Variants in RALGAPB observed in about 807,000 individuals in gnomAD.
RALGAPB encodes the protein Ral GTPase activating protein non-catalytic subunit beta.
A neutral mutation model predicts 161.1 loss-of-function variants in RALGAPB; 25 were observed. The observed-to-expected ratio is 0.16, with a 90% confidence interval of 0.11 to 0.22. The LOEUF is 0.22. RALGAPB is among the 10% of genes least tolerant of loss of function. RALGAPB has a pLI of 1.00. For synonymous variants in RALGAPB, 629 were observed against 626.1 expected (o/e 1.00, Z -0.07); for missense variants, 1,391 against 1,815.2 (o/e 0.77, Z 4.25).
chr20:38,572,308 T>C (rs140592786), intron 28 of RALGAPB, among the ~76,000 whole-genome samples: 1,996 of 152,352 alleles, frequency 0.013, 24 homozygotes, highest in South Asian at 0.024. Flanking sequence ...TTGTATAGGC[T>C]TTGTAGTTTT....
chr20:38,573,395 A>G lies in RALGAPB; in HGVS notation c.4143-755A>G, dbSNP rs575066817. Among the ~76,000 whole-genome samples the G allele has an allele frequency of 3.6e-4, 54 of 152,086 alleles. 1 individual carries two copies. Among genetic ancestry groups the G allele is most frequent in the African/African-American group, 9.9e-4 (41 of 41,498 alleles). On this transcript the variant is annotated intron_variant, in intron 28 of 29. Transcript: ENST00000262879. ...CCTTACCTATATAGAAAGAAAATTC[A>G]TTGGGTTGCAAAAAGACCCCAACAT... is the stretch of plus-strand genomic sequence containing the variant.
intron 28 of RALGAPB, among the ~76,000 whole-genome samples, chr20:38,572,496 C>T (rs1388881950): frequency 6.6e-6 from 1 of 152,198 alleles, no homozygotes; most frequent in Non-Finnish European, 1.5e-5. Context: ...GACCCTGCAT[C>T]TCTCTCATCA....
At chr20:38,515,088 C>T (rs1490416225) in intron 6 of RALGAPB, among the ~76,000 whole-genome samples, 1 of 152,160 alleles carries the variant, frequency 6.6e-6, no homozygotes, top group East Asian at 1.9e-4. Flanking sequence ...TTCAGCTTTA[C>T]TCCTTGTTCT....
chr20:38,500,110 C>A (rs1305903456), intron 5 of RALGAPB: 1 of 151,822 alleles, frequency 6.6e-6, no homozygotes. Context: ...TATTTAATAC[C>A]ATCGCTGTTT....
At chr20:38,517,369 A>G (rs1316944386) in intron 7 of RALGAPB, 137 bp from the exon 8 acceptor site, 8 of 724,374 alleles carry the variant, frequency 1.1e-5, no homozygotes, top group Middle Eastern at 3.6e-4. Context: ...AATAGTGAGT[A>G]GATACTGAGA....
intron 27 of RALGAPB, 146 bp from the exon 28 acceptor site, chr20:38,570,623 A>G: frequency 2.3e-6 from 1 of 426,984 alleles, no homozygotes; most frequent in Admixed American, 4.1e-5. Context: ...TTTAATTTGT[A>G]GAGAATAATT....
chr20:38,523,047 G>C (rs970434744), intron 10 of RALGAPB, among the ~76,000 whole-genome samples: 2 of 152,152 alleles, frequency 1.3e-5, no homozygotes, highest in South Asian at 2.1e-4. Context: ...CCAGCTACTC[G>C]GGAAGCTGAG....
At chr20:38,511,775 C>T (rs1444572651) in intron 6 of RALGAPB, among the ~76,000 whole-genome samples, 1 of 152,194 alleles carries the variant, frequency 6.6e-6, no homozygotes, top group Non-Finnish European at 1.5e-5. Context: ...TTCTTTTCCC[C>T]ACATTTCCCG....
chr20:38,476,678 G>C (rs1488822516), intron 1 of RALGAPB, among the ~76,000 whole-genome samples: 1 of 152,172 alleles, frequency 6.6e-6, no homozygotes, highest in African/African-American at 2.4e-5. Flanking sequence ...TGAGAAGATC[G>C]TAAGCCAAAA....
intron 5 of RALGAPB, among the ~76,000 whole-genome samples, chr20:38,504,794 AC>A (rs2085706071): frequency 6.6e-6 from 1 of 152,252 alleles, no homozygotes; most frequent in Admixed American, 6.5e-5. Context: ...TCAAAAGAAG[AC>A]ATATAAGTGG....
intron 5 of RALGAPB, among the ~76,000 whole-genome samples, chr20:38,503,838 A>G (rs540226617): frequency 6.6e-6 from 1 of 152,334 alleles, no homozygotes; most frequent in South Asian, 2.1e-4. Context: ...AAACTGCCAC[A>G]GCCACCCCAA....
intron 19 of RALGAPB, among the ~76,000 whole-genome samples, chr20:38,548,284 C>T (rs970008849): frequency 2.0e-5 from 3 of 152,164 alleles, no homozygotes; most frequent in African/African-American, 7.2e-5. Context: ...TCTTTCTACA[C>T]TTAAGTTGTT....
At position 38,492,991 on chromosome 20, in the gene RALGAPB, T is replaced by C. The variant is rs1164137295; in HGVS notation, c.248T>C (p.Val83Ala). Residue 83 changes from valine (V) to alanine (A), a missense_variant, in exon 3 of 30, where the codon GTA (valine) becomes GCA (alanine). Transcript: ENST00000262879. ...ACCCTTCCATTGGATGGAGAGACTGTAAAATATTGCGTTGATGTATATACA... is the reference window on the plus strand; with the variant it reads ...ACCCTTCCATTGGATGGAGAGACTGCAAAATATTGCGTTGATGTATATACA... The part of the protein sequence containing the change: ...GLTLPLDGET[V>A]KYCVDVYTDW... 6 of 1,612,712 alleles carry C rather than the reference T, an allele frequency of 3.7e-6. No homozygotes were observed. The Admixed American group carries it at 8.3e-5, about 22-fold the overall frequency.
At chr20:38,535,264 T>C (rs1314553297) in intron 16 of RALGAPB, 57 bp downstream of exon 16, 2 of 1,571,962 alleles carry the variant, frequency 1.3e-6, no homozygotes, top group South Asian at 1.1e-5. Context: ...GGCTGTTTTT[T>C]CTGTATCTCT....
intron 9 of RALGAPB, among the ~76,000 whole-genome samples, chr20:38,518,202 A>G (rs2086189808): frequency 6.6e-6 from 1 of 152,154 alleles, no homozygotes; most frequent in Admixed American, 6.5e-5. Context: ...TGTATGTTCT[A>G]TGAGGTTTGG....
chr20:38,523,660 G>A (rs1365142373), intron 10 of RALGAPB, among the ~76,000 whole-genome samples: 1 of 152,184 alleles, frequency 6.6e-6, no homozygotes, highest in Admixed American at 6.5e-5. Context: ...TAATAGATCT[G>A]GAGTTCAGTT....
rs924577420 is a variant in RALGAPB at position 38,565,266 on chromosome 20, C to T, written c.3698-93C>T. On this transcript the variant is annotated intron_variant, in intron 24 of 29. Coordinates refer to ENST00000262879, the MANE Select transcript of RALGAPB (RefSeq NM_020336.4). ...TTGAAAACATATATTCTATTTATCA[C>T]TTTATTAACCAGTTAACATTTCATG... 6 of 1,416,522 alleles carry T rather than the reference C, an allele frequency of 4.2e-6. No individual in the cohort carries two copies. In the African/African-American group the frequency reaches 8.6e-5, roughly 20 times the overall value. 87.7% of individuals were successfully genotyped at this position (1,416,522 alleles called of 1,614,324 possible). A position where few individuals can be genotyped will look rare whatever the true frequency, so the allele number is the denominator to read the frequency against.
chr20:38,570,901 T>G, intron 28 of RALGAPB, 54 bp downstream of exon 28: 1 of 1,136,322 alleles, frequency 8.8e-7, no homozygotes. Flanking sequence ...ACATATTGAT[T>G]GCAGCTTAAT....
At chr20:38,509,724 A>G (rs559500383) in intron 6 of RALGAPB, among the ~76,000 whole-genome samples, 1 of 152,118 alleles carries the variant, frequency 6.6e-6, no homozygotes, top group South Asian at 2.1e-4. Context: ...ATCACTTTTT[A>G]CTTGTCCCTC....
Sources: allele counts gnomAD v4.1 joint callset (sites outside exome capture counted in the v4.1 genomes callset), GRCh38; gene constraint gnomAD v4.1.1; transcripts MANE v1.5; gene names NCBI Gene and HGNC (gene_info 2026-07-23, HGNC 2026-07-21).